The following IMMP2L variants were observed in gnomAD, a reference collection of about 807,000 sequenced individuals.
IMMP2L encodes inner mitochondrial membrane peptidase subunit 2.
IMMP2L carries 18 observed loss-of-function variants against 19.3 expected under a neutral mutation model. The ratio of observed to expected loss-of-function variants is 0.93; its 90% CI spans 0.64 to 1.38. The LOEUF (loss-of-function observed/expected upper bound fraction) is 1.38. IMMP2L is among the 40% of genes most tolerant of loss of function. The pLI is 0.00. For synonymous variants in IMMP2L, 76 were observed against 73.0 expected (o/e 1.04, Z -0.21); for missense variants, 233 against 218.2 (o/e 1.07, Z -0.43).
intron 3 of IMMP2L, among the ~76,000 whole-genome samples, chr7:111,261,350 G>A (rs1817289301): frequency 6.6e-6 from 1 of 152,054 alleles, no homozygotes; most frequent in Non-Finnish European, 1.5e-5. Context: ...GTTGTTCTTT[G>A]TGTATAGTAC....
chr7:111,510,060 T>G (rs1000264846), intron 2 of IMMP2L, among the ~76,000 whole-genome samples: 1 of 152,288 alleles, frequency 6.6e-6, no homozygotes, highest in Non-Finnish European at 1.5e-5. Flanking sequence ...GAGTTAAACT[T>G]ACAATGCTGT....
At chr7:111,557,768 A>G (rs1271189836) in intron 1 of IMMP2L, among the ~76,000 whole-genome samples, 1 of 152,090 alleles carries the variant, frequency 6.6e-6, no homozygotes, top group African/African-American at 2.4e-5. Flanking sequence ...TATCCTCCTA[A>G]CTAGTTCAAT....
intron 3 of IMMP2L, among the ~76,000 whole-genome samples, chr7:111,423,722 G>A (rs1835806579): frequency 6.6e-6 from 1 of 151,646 alleles, no homozygotes; most frequent in Non-Finnish European, 1.5e-5. Flanking sequence ...ATCTAAAATC[G>A]ACACTCTAAC....
At chr7:111,057,602 C>T (rs1245006759) in intron 3 of IMMP2L, among the ~76,000 whole-genome samples, 23 of 152,230 alleles carry the variant, frequency 1.5e-4, no homozygotes, top group Admixed American at 1.4e-3. Flanking sequence ...TAAATGGGAA[C>T]CTATGTTAAA....
At chr7:111,350,923 G>A (rs1828084445) in intron 3 of IMMP2L, among the ~76,000 whole-genome samples, 1 of 152,104 alleles carries the variant, frequency 6.6e-6, no homozygotes. Flanking sequence ...AATAGACTAT[G>A]CATTTTCAAT....
chr7:110,802,513 T>C lies in IMMP2L; in HGVS notation c.408+84080A>G, dbSNP rs1562985300. The stretch of plus-strand genomic sequence containing the variant: ...TGTAATTTTATTTATAAATGTACTA[T>C]AAAATACTTAGACTATGAAGAACTC... On this transcript the variant is annotated intron_variant, in intron 5 of 5. Coordinates refer to ENST00000405709, the MANE Select transcript of IMMP2L (RefSeq NM_032549.4). Among the ~76,000 whole-genome samples the C allele has an allele frequency of 2.0e-5, 3 of 152,062 alleles. No homozygotes were observed. The South Asian group carries it at 6.2e-4, about 31-fold the overall frequency.
intron 5 of IMMP2L, among the ~76,000 whole-genome samples, chr7:110,812,787 G>C (rs570880128): frequency 1.3e-4 from 20 of 151,940 alleles, no homozygotes; most frequent in African/African-American, 4.3e-4. Context: ...AAGTTACTAA[G>C]AACAGGACAC....
chr7:110,900,509 C>A (rs1201629563), intron 4 of IMMP2L, among the ~76,000 whole-genome samples: 1 of 152,170 alleles, frequency 6.6e-6, no homozygotes, highest in Non-Finnish European at 1.5e-5. Context: ...TCTTCTCCTC[C>A]ATCTTTAGTC....
rs777862357 is a variant in IMMP2L, at chr7:111,556,018, G to GTGTATATATATATATATATATATATATA, written c.-3+5832_-3+5833insTATATATATATATATATATATATATACA. Reference sequence around the variant, plus strand: ...TTAGCCATCCCTCTTCTGTGTGCATGTATATATATATATATATACATACCC... The same window carrying GTGTATATATATATATATATATATATATA: ...TTAGCCATCCCTCTTCTGTGTGCATGTGTATATATATATATATATATATATATATATATATATATATATATACATACCC... On this transcript the variant is annotated intron_variant, in intron 1 of 5. Transcript: ENST00000405709. 2.9e-3 allele frequency among the ~76,000 whole-genome samples: 266 copies of GTGTATATATATATATATATATATATATA among 91,328 alleles called. 16 individuals carry two copies. Among genetic ancestry groups the GTGTATATATATATATATATATATATATA allele is most frequent in the Admixed American group, 7.5e-3 (55 of 7,374 alleles). 59.9% of individuals were successfully genotyped at this position (91,328 alleles called of 152,430 possible).
chr7:111,415,327 A>G (rs2131553787), intron 3 of IMMP2L, among the ~76,000 whole-genome samples: 1 of 151,892 alleles, frequency 6.6e-6, no homozygotes, highest in South Asian at 2.1e-4. Flanking sequence ...AAAGGATCCT[A>G]TGAGATCCCA....
At chr7:111,121,148 T>C (rs1364334317) in intron 3 of IMMP2L, among the ~76,000 whole-genome samples, 1 of 152,190 alleles carries the variant, frequency 6.6e-6, no homozygotes, top group East Asian at 1.9e-4. Context: ...GCCTGCCCAA[T>C]GCCTAGGCCA....
In IMMP2L at chr7:110,877,194, C is replaced by G. The variant is rs1809166914; in HGVS notation, c.408+9399G>C. ...GGTTCAAGGGCCATATTTCACTGAA[C>G]CCTGTTCTAGATGAACCTTTGCTGT... On this transcript the variant is annotated intron_variant, in intron 5 of 5. Coordinates refer to ENST00000405709, the MANE Select transcript of IMMP2L (RefSeq NM_032549.4). This position sits in a 1 kb window ranked among gnomAD's most constrained non-coding sequence, Gnocchi z 4.0. 6.6e-6 allele frequency among the ~76,000 whole-genome samples: 1 copy of G among 152,126 alleles called. No individual in the cohort carries two copies. Among genetic ancestry groups the G allele is most frequent in the Admixed American group, 6.6e-5 (1 of 15,256 alleles).
At chr7:111,028,970 T>C (rs1827134576) in intron 3 of IMMP2L, among the ~76,000 whole-genome samples, 1 of 152,162 alleles carries the variant, frequency 6.6e-6, no homozygotes, top group Admixed American at 6.5e-5. Context: ...GATTAGAATA[T>C]ATAGTGCATC....
chr7:111,269,802 C>T (rs1179592120), intron 3 of IMMP2L, among the ~76,000 whole-genome samples: 1 of 152,122 alleles, frequency 6.6e-6, no homozygotes, highest in Non-Finnish European at 1.5e-5. Flanking sequence ...CACAGAAATG[C>T]TATCCTAAAG....
At chr7:111,328,865 C>A (rs1317209415) in intron 3 of IMMP2L, among the ~76,000 whole-genome samples, 1 of 151,626 alleles carries the variant, frequency 6.6e-6, no homozygotes, top group Non-Finnish European at 1.5e-5. Context: ...GTCAATGATG[C>A]ACCACACTTA....
chr7:111,054,353 T>C (rs1372022274), intron 3 of IMMP2L, among the ~76,000 whole-genome samples: 4 of 152,218 alleles, frequency 2.6e-5, no homozygotes, highest in African/African-American at 9.6e-5. Context: ...AATAGTTCAT[T>C]CTGAAGAAAC....
At chr7:111,128,246 C>T (rs1379978447) in intron 3 of IMMP2L, among the ~76,000 whole-genome samples, 12 of 152,022 alleles carry the variant, frequency 7.9e-5, no homozygotes, top group Admixed American at 1.3e-4. Flanking sequence ...GACAAATTTT[C>T]GACCATCTAA....
chr7:110,876,507 G>A (rs2190529), intron 5 of IMMP2L, among the ~76,000 whole-genome samples: 70,577 of 151,928 alleles, frequency 0.46, 16,622 homozygotes, highest in East Asian at 0.68. Flanking sequence ...ACTGCTGCTC[G>A]TGCTTAATTT....
At chr7:111,158,514 C>T (rs182226617) in intron 3 of IMMP2L, among the ~76,000 whole-genome samples, 4 of 152,170 alleles carry the variant, frequency 2.6e-5, no homozygotes, top group Admixed American at 1.3e-4. Flanking sequence ...AATTTCTAAA[C>T]GAAAAACTGT....
Sources: allele counts gnomAD v4.1 joint callset (sites outside exome capture counted in the v4.1 genomes callset), GRCh38; gene constraint gnomAD v4.1.1; non-coding constraint Gnocchi (gnomAD v3.1); transcripts MANE v1.5; gene names NCBI Gene and HGNC (gene_info 2026-07-23, HGNC 2026-07-21).